Variants in GPBP1L1 observed in about 807,000 individuals in gnomAD.
GPBP1L1 encodes vasculin-like protein 1.
In GPBP1L1, 23 loss-of-function variants were observed where a neutral mutation model predicts 52.5. The observed-to-expected ratio is 0.44, with a 90% CI of 0.32 to 0.62. GPBP1L1 has a LOEUF of 0.62. Ranked by LOEUF, GPBP1L1 falls within the 20% of genes least tolerant of loss-of-function variation. The pLI is 0.06. For missense variants in GPBP1L1, 596 were observed against 579.3 expected (o/e 1.03, Z -0.30); for synonymous variants, 243 against 203.1 (o/e 1.20, Z -1.67).
intron 2 of GPBP1L1, among the ~76,000 whole-genome samples, chr1:45,677,005 C>T (rs1007328763): frequency 6.6e-6 from 1 of 150,562 alleles, no homozygotes; most frequent in African/African-American, 2.4e-5. Flanking sequence ...ACCTGAGCCA[C>T]ATGGTAAGAT....
At chr1:45,679,156 T>C (rs1490882653) in intron 2 of GPBP1L1, among the ~76,000 whole-genome samples, 1 of 151,804 alleles carries the variant, frequency 6.6e-6, no homozygotes, top group African/African-American at 2.4e-5. Context: ...ACTATCACTT[T>C]TGAGAATTGG....
At chr1:45,641,814 C>CAAAAAAAAAAA (rs555061692) in intron 7 of GPBP1L1, 1 of 80,528 alleles carries the variant, frequency 1.2e-5, no homozygotes. Context: ...GACTCCATCT[C>CAAAAAAAAAAA]AAAAAAAAAA....
chr1:45,668,708 T>C (rs1055509429), intron 2 of GPBP1L1, among the ~76,000 whole-genome samples: 3 of 152,148 alleles, frequency 2.0e-5, no homozygotes, highest in African/African-American at 7.2e-5. Context: ...CATCTACATA[T>C]TAGGCTGAAC....
In GPBP1L1 at chr1:45,660,236, A is replaced by AGT; in HGVS notation, c.-109_-108insAC. On this transcript the variant is annotated 5_prime_UTR_variant, in exon 3 of 13. Transcript: ENST00000355105. ...TTCTGAACTCGAGTCGGCCAGCTGG[A>AGT]TCTCCCACAAGGTTTCCTTGTTAAA... The AGT allele has an allele frequency of 1.0e-6, 1 of 985,304 alleles. No individual in the cohort carries two copies. Among genetic ancestry groups the AGT allele is most frequent in the East Asian group, 1.1e-4 (1 of 8,802 alleles). The allele number at this position is 985,304 out of a possible 1,614,324, so 61.0% of individuals were successfully genotyped here. A position where few individuals can be genotyped will look rare whatever the true frequency, so the allele number is the denominator to read the frequency against.
intron 2 of GPBP1L1, among the ~76,000 whole-genome samples, chr1:45,670,637 A>G (rs977243152): frequency 2.0e-5 from 3 of 151,964 alleles, no homozygotes; most frequent in African/African-American, 7.3e-5. Flanking sequence ...ATTCTTTTCC[A>G]TATGAAAAAA....
At chr1:45,667,959 C>T (rs892458091) in intron 2 of GPBP1L1, among the ~76,000 whole-genome samples, 3 of 152,036 alleles carry the variant, frequency 2.0e-5, no homozygotes, top group East Asian at 3.9e-4. Context: ...GGCTGGTCTC[C>T]AACTCCTGGC....
intron 2 of GPBP1L1, among the ~76,000 whole-genome samples, chr1:45,677,043 T>TA (rs747871722): frequency 0.021 from 2,934 of 138,874 alleles, 51 homozygotes; most frequent in Non-Finnish European, 0.034. Flanking sequence ...AAAACAAAGC[T>TA]AAAAAAAAAA....
At chr1:45,678,674 A>G (rs1645176478) in intron 2 of GPBP1L1, among the ~76,000 whole-genome samples, 1 of 152,252 alleles carries the variant, frequency 6.6e-6, no homozygotes, top group Non-Finnish European at 1.5e-5. Context: ...AATCAGTGTC[A>G]CTGAAAAATA....
At chr1:45,671,209 CTTTTTTTTT>C (rs5773890) in intron 2 of GPBP1L1, among the ~76,000 whole-genome samples, 4 of 99,828 alleles carry the variant, frequency 4.0e-5, no homozygotes, top group African/African-American at 7.3e-5. Context: ...GGCTCTCTGG[CTTTTTTTTT>C]TTTTTTTTTT....
chr1:45,648,133 T>G (rs1051047111), intron 6 of GPBP1L1, among the ~76,000 whole-genome samples: 8 of 151,984 alleles, frequency 5.3e-5, no homozygotes, highest in African/African-American at 1.9e-4. Flanking sequence ...GAGACAAAAG[T>G]TTCACCACGT....
intron 8 of GPBP1L1, 55 bp downstream of exon 8, chr1:45,640,155 G>A (rs1644652011): frequency 5.7e-6 from 8 of 1,402,430 alleles, no homozygotes; most frequent in Non-Finnish European, 7.9e-6. Context: ...ATTTTTTCCT[G>A]ATTTATTCCC....
chr1:45,661,184 A>T lies in GPBP1L1; in HGVS notation c.-1056T>A, dbSNP rs1329187699. 2 of 152,212 alleles carry T rather than the reference A, an allele frequency of 1.3e-5. No individual in the cohort carries two copies. The allele number at this position is 152,212 out of a possible 1,614,324, so 9.4% of individuals were successfully genotyped here. A position where few individuals can be genotyped will look rare whatever the true frequency, so the allele number is the denominator to read the frequency against. On this transcript the variant is annotated 5_prime_UTR_variant, in exon 3 of 13. Coordinates refer to ENST00000355105, the MANE Select transcript of GPBP1L1 (RefSeq NM_021639.5). The stretch of plus-strand genomic sequence containing the variant: ...CACTTATTATTTTGGATCCATTTCC[A>T]CCACTTCACAATCATTTGAAAGGCC...
intron 8 of GPBP1L1, 150 bp downstream of exon 8, chr1:45,640,060 A>G: frequency 1.8e-6 from 1 of 545,394 alleles, no homozygotes. Context: ...AAAGAAAAAA[A>G]AAAAAGCAAA....
chr1:45,640,094 T>C (rs1028539600), intron 8 of GPBP1L1, 116 bp downstream of exon 8: 4 of 697,712 alleles, frequency 5.7e-6, no homozygotes, highest in Non-Finnish European at 9.7e-6. Context: ...ATATAACAGG[T>C]ACTGAAAGAA....
chr1:45,627,750 A>C lies in GPBP1L1; in HGVS notation c.*506T>G, dbSNP rs1270175585. 6.6e-6 allele frequency: 1 copy of C among 152,470 alleles called. No individual in the cohort carries two copies. The highest frequency in any genetic ancestry group is 1.5e-5 in the Non-Finnish European group (1 of 68,034). The allele number at this position is 152,470 out of a possible 1,614,324, so 9.4% of individuals were successfully genotyped here. A position where few individuals can be genotyped will look rare whatever the true frequency, so the allele number is the denominator to read the frequency against. On this transcript the variant is annotated 3_prime_UTR_variant, in exon 13 of 13. Coordinates refer to ENST00000355105, the MANE Select transcript of GPBP1L1 (RefSeq NM_021639.5). ...AAAAAAAAAACAAAAAAAAACAACC[A>C]AAAAAACCCACATATGCTTGGTTAA...
intron 6 of GPBP1L1, chr1:45,645,770 T>TG: frequency 3.2e-6 from 1 of 316,902 alleles, no homozygotes; most frequent in South Asian, 2.5e-5. Context: ...AGTTTTTTGT[T>TG]TTTTTTTTTT....
chr1:45,647,721 T>A (rs1046159863), intron 6 of GPBP1L1, among the ~76,000 whole-genome samples: 3 of 152,136 alleles, frequency 2.0e-5, no homozygotes, highest in Admixed American at 1.3e-4. Context: ...TGTAGCAGAG[T>A]GACACCTCTC....
At chr1:45,659,483 T>A (rs1259437825) in intron 3 of GPBP1L1, among the ~76,000 whole-genome samples, 2 of 152,072 alleles carry the variant, frequency 1.3e-5, no homozygotes, top group Non-Finnish European at 2.9e-5. Context: ...CAGGTGTGAG[T>A]CACTGCGCCC....
chr1:45,640,350 A>G lies in GPBP1L1; in HGVS notation c.604T>C (p.Ser202Pro), dbSNP rs376805372. The G allele has an allele frequency of 2.0e-5, 32 of 1,614,196 alleles. No homozygotes were observed. In the African/African-American group the frequency reaches 4.0e-4, roughly 20 times the overall value. ...PSKMLVIKKV[S>P]KEDPAAAFSA... ...AAGGCAGCAGCAGGATCCTCTTTGG[A>G]AACTTTTTTGATAACTAGCATCTTG... The change falls in exon 8 of 13, where the codon TCC becomes CCC. Residue 202 changes from serine (S) to proline (P), a missense_variant. Ser to Pro is a moderately conservative substitution (Grantham distance 74). Transcript: ENST00000355105.
Sources: allele counts gnomAD v4.1 joint callset (sites outside exome capture counted in the v4.1 genomes callset), GRCh38; gene constraint gnomAD v4.1.1; transcripts MANE v1.5; gene names NCBI Gene and HGNC (gene_info 2026-07-23, HGNC 2026-07-21).